The following RABGAP1L variants were observed in gnomAD, a reference collection of about 807,000 sequenced individuals.
RABGAP1L encodes rab GTPase-activating protein 1-like.
A neutral mutation model predicts 137.7 loss-of-function variants in RABGAP1L; 63 were observed. The observed-to-expected ratio is 0.46, with a 90% CI of 0.37 to 0.56. The LOEUF is 0.56. Among genes scored for constraint, RABGAP1L ranks in the 20% least tolerant of loss-of-function variants. RABGAP1L has a pLI of 0.00. For synonymous variants in RABGAP1L, 431 were observed against 433.7 expected (o/e 0.99, Z 0.08); for missense variants, 1,095 against 1,244.0 (o/e 0.88, Z 1.80).
chr1:174,629,323 T>C (rs1442645105), intron 13 of RABGAP1L, among the ~76,000 whole-genome samples: 1 of 152,222 alleles, frequency 6.6e-6, no homozygotes, highest in African/African-American at 2.4e-5. Context: ...TTCATTCCTA[T>C]TAGGCTGTTT....
At chr1:174,785,588 C>T (rs964394899) in intron 18 of RABGAP1L, among the ~76,000 whole-genome samples, 6 of 152,210 alleles carry the variant, frequency 3.9e-5, no homozygotes, top group East Asian at 1.9e-4. Context: ...GAAAATAATG[C>T]GTTCTCATTT....
intron 13 of RABGAP1L, among the ~76,000 whole-genome samples, chr1:174,434,777 ATCT>A (rs1024004844): frequency 7.9e-5 from 12 of 152,128 alleles, no homozygotes; most frequent in Middle Eastern, 3.4e-3. Flanking sequence ...TTATTTGTAT[ATCT>A]TCTTTTGTGA....
chr1:174,686,795 A>G (rs1027390264), intron 15 of RABGAP1L, among the ~76,000 whole-genome samples: 1 of 151,228 alleles, frequency 6.6e-6, no homozygotes, highest in Admixed American at 6.6e-5. Context: ...TAGTGGGACT[A>G]CAGGCACACG....
At chr1:174,785,883 A>G (rs1359951658) in intron 18 of RABGAP1L, among the ~76,000 whole-genome samples, 1 of 152,228 alleles carries the variant, frequency 6.6e-6, no homozygotes, top group Non-Finnish European at 1.5e-5. Flanking sequence ...ACTTTCATTT[A>G]AATGTTGTAA....
intron 11 of RABGAP1L, among the ~76,000 whole-genome samples, chr1:174,359,188 G>T (rs986687420): frequency 1.3e-4 from 20 of 149,900 alleles, no homozygotes; most frequent in African/African-American, 4.9e-4. Flanking sequence ...TCTTTGTCAT[G>T]TTCTACTTGC....
intron 13 of RABGAP1L, among the ~76,000 whole-genome samples, chr1:174,540,706 A>G (rs990884797): frequency 3.3e-5 from 5 of 152,130 alleles, no homozygotes; most frequent in African/African-American, 1.2e-4. Flanking sequence ...GTCTTGTAGT[A>G]TAGTTTGAAG....
chr1:174,216,275 C>T (rs972362460), intron 1 of RABGAP1L, among the ~76,000 whole-genome samples: 4 of 152,072 alleles, frequency 2.6e-5, no homozygotes, highest in Non-Finnish European at 5.9e-5. Context: ...TTTAATTGGA[C>T]ATTTAAAAAT....
rs530967255 is a variant in RABGAP1L at position 174,372,109 on chromosome 1, T to C, written c.1559+1037T>C. The stretch of plus-strand genomic sequence containing the variant: ...TTCATTTTATGTATCCTTACACATA[T>C]CACATAAAATGAACACATTTCAGAG... On this transcript the variant is annotated intron_variant, in intron 12 of 25. Coordinates refer to ENST00000681986, the MANE Select transcript of RABGAP1L (RefSeq NM_001366446.1). Among the ~76,000 whole-genome samples the C allele has an allele frequency of 3.3e-5, 5 of 152,286 alleles. No individual in the cohort carries two copies. The South Asian group carries it at 1.0e-3, about 32-fold the overall frequency.
At chr1:174,302,232 A>G (rs1206575332) in intron 10 of RABGAP1L, among the ~76,000 whole-genome samples, 1 of 152,216 alleles carries the variant, frequency 6.6e-6, no homozygotes, top group Non-Finnish European at 1.5e-5. Flanking sequence ...ATTATTCCTG[A>G]ACATTACTTG....
intron 3 of RABGAP1L, among the ~76,000 whole-genome samples, chr1:174,228,531 C>T (rs1048111980): frequency 2.0e-5 from 3 of 151,936 alleles, no homozygotes; most frequent in Non-Finnish European, 4.4e-5. Flanking sequence ...GTAATTTAAA[C>T]ATATTAAAAT....
At chr1:174,418,100 G>A (rs1650818299) in intron 13 of RABGAP1L, among the ~76,000 whole-genome samples, 1 of 152,204 alleles carries the variant, frequency 6.6e-6, no homozygotes, top group Admixed American at 6.5e-5. Flanking sequence ...CTGCACATAT[G>A]CAGAACTTGT....
At chr1:174,842,007 G>A (rs1693465423) in intron 19 of RABGAP1L, among the ~76,000 whole-genome samples, 1 of 152,068 alleles carries the variant, frequency 6.6e-6, no homozygotes, top group African/African-American at 2.4e-5. Flanking sequence ...AAGGAATAAA[G>A]TTTTGACTGA....
At chr1:174,947,085 T>G (rs1027750287) in intron 19 of RABGAP1L, among the ~76,000 whole-genome samples, 2 of 150,398 alleles carry the variant, frequency 1.3e-5, no homozygotes, top group African/African-American at 4.9e-5. Flanking sequence ...TAGTTGTTTG[T>G]GTTACCCTAT....
At chr1:174,195,158 A>G (rs1231274085) in intron 1 of RABGAP1L, among the ~76,000 whole-genome samples, 1 of 152,090 alleles carries the variant, frequency 6.6e-6, no homozygotes, top group Non-Finnish European at 1.5e-5. Flanking sequence ...TCAGATTTTG[A>G]TCTTTATGTT....
intron 7 of RABGAP1L, among the ~76,000 whole-genome samples, chr1:174,261,952 G>A (rs1200626147): frequency 1.3e-5 from 2 of 152,112 alleles, no homozygotes; most frequent in Non-Finnish European, 1.5e-5. Context: ...TAGATTAGTG[G>A]GATGACCCAT....
chr1:174,275,318 A>G (rs1674899164), intron 8 of RABGAP1L: 1 of 152,178 alleles, frequency 6.6e-6, no homozygotes, highest in South Asian at 2.1e-4. Context: ...AAAATAGACA[A>G]GTGTTAATTT....
intron 1 of RABGAP1L, among the ~76,000 whole-genome samples, chr1:174,199,322 C>T (rs1483407021): frequency 3.9e-5 from 6 of 151,928 alleles, no homozygotes; most frequent in South Asian, 2.1e-4. Flanking sequence ...GACAGGGTCT[C>T]GCTCTACTGC....
At chr1:174,732,200 C>CT (rs555763731) in intron 17 of RABGAP1L, among the ~76,000 whole-genome samples, 1 of 119,984 alleles carries the variant, frequency 8.3e-6, no homozygotes, top group African/African-American at 4.0e-5. Context: ...CCCATCCCCC[C>CT]CAAAAAAAAA....
At chr1:174,965,834 T>A (rs1015188965) in intron 20 of RABGAP1L, among the ~76,000 whole-genome samples, 4 of 152,228 alleles carry the variant, frequency 2.6e-5, no homozygotes, top group Non-Finnish European at 5.9e-5. Flanking sequence ...GCGTGCCCTC[T>A]AGGCTATTTT....
Sources: allele counts gnomAD v4.1 joint callset (sites outside exome capture counted in the v4.1 genomes callset), GRCh38; gene constraint gnomAD v4.1.1; transcripts MANE v1.5; gene names NCBI Gene and HGNC (gene_info 2026-07-23, HGNC 2026-07-21).